Variants in ADAM23 observed in about 807,000 individuals in gnomAD.
The protein encoded by ADAM23 is ADAM metallopeptidase domain 23.
ADAM23 carries 33 observed loss-of-function variants against 120.1 expected under a neutral mutation model. The observed-to-expected ratio is 0.27, with a 90% CI of 0.21 to 0.37. The LOEUF (loss-of-function observed/expected upper bound fraction) is 0.37. Among genes scored for constraint, ADAM23 ranks in the 10% least tolerant of loss-of-function variants. ADAM23 has a pLI of 1.00. For synonymous variants in ADAM23, 367 were observed against 375.2 expected (o/e 0.98, Z 0.25); for missense variants, 862 against 1,058.2 (o/e 0.81, Z 2.57).
At chr2:206,445,587 TC>T (rs1368046456) in intron 2 of ADAM23, 63 bp downstream of exon 2, 3 of 1,403,588 alleles carry the variant, frequency 2.1e-6, no homozygotes, top group Non-Finnish European at 2.9e-6. Flanking sequence ...GATTTGATTT[TC>T]TGCCAGAATC....
At chr2:206,499,434 A>T (rs1469956133) in intron 3 of ADAM23, among the ~76,000 whole-genome samples, 2 of 146,982 alleles carry the variant, frequency 1.4e-5, no homozygotes, top group Non-Finnish European at 3.0e-5. Context: ...ATAGGTGGGA[A>T]TTGAACAATG....
chr2:206,506,831 A>G (rs1696506774), intron 3 of ADAM23, among the ~76,000 whole-genome samples: 1 of 152,206 alleles, frequency 6.6e-6, no homozygotes, highest in Non-Finnish European at 1.5e-5. Context: ...CCTTGGTTTT[A>G]TCTAAGTAAA....
At chr2:206,509,605 C>T (rs962015194) in intron 3 of ADAM23, among the ~76,000 whole-genome samples, 3 of 152,076 alleles carry the variant, frequency 2.0e-5, no homozygotes, top group Non-Finnish European at 4.4e-5. Context: ...TGCGCCATCA[C>T]GCCCAGCTAA....
intron 3 of ADAM23, among the ~76,000 whole-genome samples, chr2:206,493,737 T>C (rs571948400): frequency 1.3e-5 from 2 of 152,252 alleles, no homozygotes; most frequent in Non-Finnish European, 2.9e-5. Context: ...TAATTACAAA[T>C]ATATTTTTCC....
At chr2:206,473,596 T>C (rs1343747536) in intron 2 of ADAM23, among the ~76,000 whole-genome samples, 4 of 150,030 alleles carry the variant, frequency 2.7e-5, no homozygotes, top group East Asian at 2.0e-4. Flanking sequence ...ATAATAATAA[T>C]AATAACAACA....
At chr2:206,594,686 G>C (rs1386193987) in intron 22 of ADAM23, 51 bp from the exon 23 acceptor site, 1 of 1,598,218 alleles carries the variant, frequency 6.3e-7, no homozygotes, top group Non-Finnish European at 8.6e-7. Context: ...TTCATGGAAT[G>C]ATGTTCTAAG....
chr2:206,474,083 C>T (rs1394752743), intron 2 of ADAM23, among the ~76,000 whole-genome samples: 1 of 151,106 alleles, frequency 6.6e-6, no homozygotes, highest in African/African-American at 2.4e-5. Flanking sequence ...GCTCTAGTAT[C>T]TTACATAAGG....
chr2:206,609,081 A>G (rs1698782648), intron 24 of ADAM23, among the ~76,000 whole-genome samples: 1 of 152,206 alleles, frequency 6.6e-6, no homozygotes. Context: ...GACAGGAGTT[A>G]CTAGGATATG....
At chr2:206,550,197 G>A in intron 9 of ADAM23, 37 bp downstream of exon 9, 1 of 1,284,808 alleles carries the variant, frequency 7.8e-7, no homozygotes, top group African/African-American at 1.5e-5. Context: ...AGAACAGATA[G>A]CTTACTTAAG....
At chr2:206,501,509 C>G (rs935963813) in intron 3 of ADAM23, among the ~76,000 whole-genome samples, 2 of 152,024 alleles carry the variant, frequency 1.3e-5, no homozygotes, top group African/African-American at 4.8e-5. Context: ...AGCCAAAGTT[C>G]TGTTCGTATG....
intron 24 of ADAM23, chr2:206,607,352 T>C (rs1171124685): frequency 6.6e-6 from 1 of 152,274 alleles, no homozygotes; most frequent in Non-Finnish European, 1.5e-5. Flanking sequence ...CATTCCTTTT[T>C]CAGGGCCAGC....
At chr2:206,607,389 C>T (rs905313931) in intron 24 of ADAM23, among the ~76,000 whole-genome samples, 1 of 152,134 alleles carries the variant, frequency 6.6e-6, no homozygotes. Flanking sequence ...TGTGAAATTC[C>T]TCCTTGACAA....
chr2:206,617,302 G>T (rs987484275), intron 25 of ADAM23, among the ~76,000 whole-genome samples: 1 of 152,180 alleles, frequency 6.6e-6, no homozygotes, highest in African/African-American at 2.4e-5. Flanking sequence ...AAATTGGGCC[G>T]CAGAGTCTTC....
chr2:206,607,882 GTT>G, intron 24 of ADAM23: 2 of 360,122 alleles, frequency 5.6e-6, no homozygotes, highest in East Asian at 8.1e-5. Flanking sequence ...TCCATGGACA[GTT>G]TTTTTTTTAA....
rs747032665 is a variant in ADAM23, at chr2:206,557,461, A to G, written c.968A>G (p.Asn323Ser). The change falls in exon 10 of 26, where the codon AAC (asparagine) becomes AGC (serine). Residue 323 changes from asparagine (N) to serine (S), a missense_variant. By Grantham distance (46) the Asn-to-Ser change is conservative. Transcript: ENST00000264377. ...KKHRSSHAHT[N>S]NFAKSVVNLV... ...CATCGCTCTTCTCATGCACATACCA[A>G]CAACTTTGCAAAGTCCGTGGTCAAC... 2.5e-6 allele frequency: 4 copies of G among 1,613,902 alleles called. No homozygotes were observed. Among genetic ancestry groups the G allele is most frequent in the African/African-American group, 2.7e-5 (2 of 74,932 alleles).
At chr2:206,582,511 G>C (rs551568676) in intron 18 of ADAM23, among the ~76,000 whole-genome samples, 1 of 152,172 alleles carries the variant, frequency 6.6e-6, no homozygotes, top group Admixed American at 6.5e-5. Flanking sequence ...TATCTTTTAA[G>C]TGGAACATTT....
chr2:206,464,246 G>A (rs950570749), intron 2 of ADAM23, among the ~76,000 whole-genome samples: 3 of 151,848 alleles, frequency 2.0e-5, no homozygotes, highest in Non-Finnish European at 4.4e-5. Context: ...TGTTTCAAGG[G>A]CCTTGGTGAC....
intron 23 of ADAM23, among the ~76,000 whole-genome samples, chr2:206,595,715 T>G (rs1379770251): frequency 2.0e-5 from 3 of 152,206 alleles, no homozygotes; most frequent in Non-Finnish European, 1.5e-5. Flanking sequence ...AAAAAGTATC[T>G]TATCAGACAT....
chr2:206,550,034 T>G, intron 8 of ADAM23, 61 bp from the exon 9 acceptor site: 2 of 1,019,550 alleles, frequency 2.0e-6, no homozygotes, highest in East Asian at 5.3e-5. Context: ...AACTTAACAG[T>G]GAGCACTAGA....
Sources: gnomAD v4.1 joint callset for allele counts (sites outside exome capture counted in the v4.1 genomes callset) on GRCh38, gnomAD v4.1.1 for gene constraint, MANE v1.5 for transcripts, NCBI Gene and HGNC (gene_info 2026-07-23, HGNC 2026-07-21) for gene names.